HDAC9: variants seen among roughly 807,000 people sequenced by gnomAD.
HDAC9 encodes the protein histone deacetylase 9.
In HDAC9, 41 loss-of-function variants were observed where a neutral mutation model predicts 139.4. The ratio of observed to expected loss-of-function variants is 0.29; its 90% CI spans 0.23 to 0.38. The LOEUF (loss-of-function observed/expected upper bound fraction) is 0.38, where lower values mean the gene tolerates loss of function less well. Among genes scored for constraint, HDAC9 ranks in the 10% least tolerant of loss-of-function variants. The pLI is 1.00. For synonymous variants in HDAC9, 517 were observed against 476.2 expected (o/e 1.09, Z -1.12); for missense variants, 1,147 against 1,297.0 (o/e 0.88, Z 1.78).
chr7:18,611,987 G>C (rs1837290348), intron 6 of HDAC9, among the ~76,000 whole-genome samples: 1 of 152,076 alleles, frequency 6.6e-6, no homozygotes, highest in South Asian at 2.1e-4. Context: ...TTCCAAATAT[G>C]TTTGCCATAA....
chr7:18,360,897 T>G (rs571661505), intron 1 of HDAC9, among the ~76,000 whole-genome samples: 2 of 152,334 alleles, frequency 1.3e-5, no homozygotes, highest in South Asian at 2.1e-4. Flanking sequence ...GGTAAATTAA[T>G]TAGCAGTAAG....
intron 2 of HDAC9, among the ~76,000 whole-genome samples, chr7:18,174,989 G>T (rs1291355538): frequency 3.3e-5 from 5 of 152,300 alleles, no homozygotes; most frequent in South Asian, 4.1e-4. Context: ...CTCTCTTCAG[G>T]CCTGTCAGAA....
intron 22 of HDAC9, among the ~76,000 whole-genome samples, chr7:18,928,002 C>G (rs527928729): frequency 5.1e-4 from 78 of 152,284 alleles, no homozygotes; most frequent in African/African-American, 1.8e-3. Flanking sequence ...AGTAAAATGA[C>G]TTATCCAATA....
At chr7:18,585,633 G>A in intron 3 of HDAC9, 111 bp downstream of exon 3, 1 of 1,296,654 alleles carries the variant, frequency 7.7e-7, no homozygotes, top group Non-Finnish European at 1.1e-6. Flanking sequence ...TTAAGACATG[G>A]ATATATGGCT....
intron 2 of HDAC9, among the ~76,000 whole-genome samples, chr7:18,256,366 A>G (rs949421991): frequency 6.6e-6 from 1 of 152,208 alleles, no homozygotes; most frequent in Non-Finnish European, 1.5e-5. Flanking sequence ...AGAAAATACA[A>G]TTCTGTAGGA....
intron 1 of HDAC9, among the ~76,000 whole-genome samples, chr7:18,119,214 A>C (rs1296734050): frequency 1.3e-5 from 2 of 152,196 alleles, no homozygotes; most frequent in East Asian, 3.9e-4. Flanking sequence ...TCTGAAATCA[A>C]AGTGCACCAG....
At chr7:18,309,409 C>T (rs764373142) in intron 1 of HDAC9, among the ~76,000 whole-genome samples, 5 of 152,012 alleles carry the variant, frequency 3.3e-5, no homozygotes, top group Non-Finnish European at 5.9e-5. Flanking sequence ...AATATTTTGA[C>T]AGATGGGAAA....
intron 8 of HDAC9, among the ~76,000 whole-genome samples, chr7:18,639,826 C>G (rs1447494495): frequency 2.0e-5 from 3 of 151,874 alleles, no homozygotes; most frequent in African/African-American, 7.3e-5. Flanking sequence ...CACATGTTAC[C>G]TGATAGAGCT....
chr7:18,986,702 A>G (rs966753449), intron 25 of HDAC9, among the ~76,000 whole-genome samples: 1 of 152,254 alleles, frequency 6.6e-6, no homozygotes, highest in African/African-American at 2.4e-5. Context: ...CCTACCCATG[A>G]GCATGGAATA....
Position 18,495,954 on chromosome 7 carries a change from G to C in HDAC9, c.-111G>C. ...GCACGTTCCTATTTCCCACCTGCTT[G>C]TAGTTTCCGGGATAACCTAAACTCC... On this transcript the variant is annotated 5_prime_UTR_variant, in exon 1 of 26. Coordinates refer to ENST00000686413, the MANE Select transcript of HDAC9 (RefSeq NM_178425.4). 2 of 1,253,116 alleles carry C rather than the reference G, an allele frequency of 1.6e-6. No homozygotes were observed. The highest frequency in any genetic ancestry group is 2.0e-6 in the Non-Finnish European group (2 of 1,000,394). The allele number at this position is 1,253,116 out of a possible 1,614,324, so 77.6% of individuals were successfully genotyped here. A position where few individuals can be genotyped will look rare whatever the true frequency, so the allele number is the denominator to read the frequency against.
At chr7:18,588,168 G>T (rs113674144) in intron 3 of HDAC9, among the ~76,000 whole-genome samples, 6 of 152,156 alleles carry the variant, frequency 3.9e-5, no homozygotes, top group Non-Finnish European at 7.4e-5. Flanking sequence ...TTAGCTTCCT[G>T]TTGCTCCAGA....
Position 18,687,558 on chromosome 7 carries a change from G to T in HDAC9, c.1731+21082G>T, listed in dbSNP as rs186241547. On this transcript the variant is annotated intron_variant, in intron 12 of 25. Coordinates refer to ENST00000686413, the MANE Select transcript of HDAC9 (RefSeq NM_178425.4). ...GCATTCTTTTATTTTTCACATCTCC[G>T]GGTATAGTAGTAGATGCAGGACATC... Among the ~76,000 whole-genome samples the T allele has an allele frequency of 4.0e-5, 6 of 151,764 alleles. No homozygotes were observed. The East Asian group carries it at 1.2e-3, about 30-fold the overall frequency.
At chr7:18,170,953 T>A (rs1788384487) in intron 2 of HDAC9, among the ~76,000 whole-genome samples, 1 of 152,226 alleles carries the variant, frequency 6.6e-6, no homozygotes. Context: ...CCATACGAAC[T>A]TTAAAGTAGT....
intron 1 of HDAC9, among the ~76,000 whole-genome samples, chr7:18,475,969 T>A (rs918791704): frequency 6.6e-6 from 1 of 152,204 alleles, no homozygotes; most frequent in Non-Finnish European, 1.5e-5. Context: ...TATGTGTGCT[T>A]TCTGTAGCCC....
At chr7:18,097,861 G>A (rs1172527074) in intron 1 of HDAC9, among the ~76,000 whole-genome samples, 1 of 152,082 alleles carries the variant, frequency 6.6e-6, no homozygotes, top group African/African-American at 2.4e-5. Context: ...ACTGCACCCA[G>A]CCTATATTAT....
At chr7:18,537,988 C>G (rs1334589407) in intron 2 of HDAC9, among the ~76,000 whole-genome samples, 2 of 152,214 alleles carry the variant, frequency 1.3e-5, no homozygotes, top group Non-Finnish European at 2.9e-5. Flanking sequence ...GACCTCTGCT[C>G]TATTCTGTGC....
At chr7:18,936,285 G>A (rs539738311) in intron 23 of HDAC9, among the ~76,000 whole-genome samples, 6 of 143,252 alleles carry the variant, frequency 4.2e-5, no homozygotes, top group Non-Finnish European at 6.1e-5. Flanking sequence ...TGTTATTTCT[G>A]GGAAAAAAAA....
intron 15 of HDAC9, among the ~76,000 whole-genome samples, chr7:18,763,539 C>T (rs1424341099): frequency 3.9e-5 from 6 of 152,092 alleles, no homozygotes; most frequent in Non-Finnish European, 8.8e-5. Context: ...TCAATCTAAA[C>T]ATATATGCTC....
At chr7:18,693,504 G>A (rs1055035781) in intron 12 of HDAC9, among the ~76,000 whole-genome samples, 1 of 152,014 alleles carries the variant, frequency 6.6e-6, no homozygotes, top group African/African-American at 2.4e-5. Flanking sequence ...TACTTTTAAC[G>A]AAAAAAATTT....
Sources: allele counts gnomAD v4.1 joint callset (sites outside exome capture counted in the v4.1 genomes callset), GRCh38; gene constraint gnomAD v4.1.1; transcripts MANE v1.5; gene names NCBI Gene and HGNC (gene_info 2026-07-23, HGNC 2026-07-21).